BANP: variants seen among roughly 807,000 people sequenced by gnomAD.
BANP encodes the protein protein BANP.
A neutral mutation model predicts 68.1 loss-of-function variants in BANP; 11 were observed. The observed-to-expected ratio is 0.16, with a 90% confidence interval of 0.10 to 0.27. The LOEUF is 0.27. Among genes scored for constraint, BANP ranks in the 10% least tolerant of loss-of-function variants. The pLI is 1.00. For missense variants in BANP, 504 were observed against 722.7 expected (o/e 0.70, Z 3.47); for synonymous variants, 329 against 303.2 (o/e 1.09, Z -0.88).
At position 87,957,290 on chromosome 16, in the gene BANP, C is replaced by T. The variant is rs1056522313; in HGVS notation, c.-69+5775C>T. Among the ~76,000 whole-genome samples, 3 of 152,180 alleles carry T rather than the reference C, an allele frequency of 2.0e-5. No homozygotes were observed. Among genetic ancestry groups the T allele is most frequent in the African/African-American group, 4.8e-5 (2 of 41,446 alleles). ...ACAGCGTGGGAGCTGTGGAAGGACA[C>T]ATGGAGCAGAGGCGGCTGAGGAGGT... On this transcript the variant is annotated intron_variant, in intron 1 of 13. Coordinates refer to ENST00000682872, the MANE Select transcript of BANP (RefSeq NM_001386991.1). This position sits in a 1 kb window ranked among gnomAD's most constrained non-coding sequence, Gnocchi z 4.3.
chr16:88,019,756 A>C, intron 7 of BANP, among the ~76,000 whole-genome samples: 1 of 147,886 alleles, frequency 6.8e-6, no homozygotes, highest in African/African-American at 2.5e-5. Context: ...CTGTTCCAGC[A>C]GGAAAGAGCC....
chr16:88,049,359 C>T (rs933731751), intron 11 of BANP, among the ~76,000 whole-genome samples: 1 of 152,124 alleles, frequency 6.6e-6, no homozygotes, highest in South Asian at 2.1e-4. Flanking sequence ...CACATCCCGG[C>T]GAGGTACGGG....
At position 88,027,663 on chromosome 16, in the gene BANP, C is replaced by T. The variant is rs1206370673; in HGVS notation, c.1063+13C>T. 3 of 1,612,388 alleles carry T rather than the reference C, an allele frequency of 1.9e-6. No individual in the cohort carries two copies. In the African/African-American group the frequency reaches 4.0e-5, roughly 22 times the overall value. ...TACTGCCCTTCAGGTAGGCCTCGTG[C>T]TGCAGGAGAGGCCGCCCTCCCCCGC... is the stretch of plus-strand genomic sequence containing the variant. On this transcript the variant is annotated intron_variant, in intron 8 of 13. Coordinates refer to ENST00000682872, the MANE Select transcript of BANP (RefSeq NM_001386991.1).
chr16:88,014,241 G>C (rs1415045718), intron 6 of BANP, among the ~76,000 whole-genome samples: 2 of 152,326 alleles, frequency 1.3e-5, no homozygotes, highest in Middle Eastern at 6.8e-3. Flanking sequence ...CTCCGTGTGG[G>C]GTGGAGGGCA....
intron 8 of BANP, among the ~76,000 whole-genome samples, chr16:88,029,417 G>C (rs1598620290): frequency 6.6e-6 from 1 of 151,498 alleles, no homozygotes; most frequent in Non-Finnish European, 1.5e-5. Flanking sequence ...AGACCATCCT[G>C]GCTAACACGG....
rs999001537 is a variant in BANP, at chr16:88,071,335, C to T, written c.1378-734C>T. 2.7e-6 allele frequency: 1 copy of T among 376,888 alleles called. No homozygotes were observed. The highest frequency in any genetic ancestry group is 5.3e-6 in the Non-Finnish European group (1 of 188,776). 23.3% of individuals were successfully genotyped at this position (376,888 alleles called of 1,614,324 possible). A position where few individuals can be genotyped will look rare whatever the true frequency, so the allele number is the denominator to read the frequency against. ...CCGTCTTGACACCGGAGCTGCCTGC[C>T]TGGATGTTGGAGCGCCCAGTGGATT... On this transcript the variant is annotated intron_variant, in intron 12 of 13. Coordinates refer to ENST00000682872, the MANE Select transcript of BANP (RefSeq NM_001386991.1). The surrounding 1 kb of genome is among the most constrained non-coding windows in gnomAD (Gnocchi z 6.5).
At chr16:88,033,801 A>C (rs1447842179) in intron 9 of BANP, among the ~76,000 whole-genome samples, 1 of 152,200 alleles carries the variant, frequency 6.6e-6, no homozygotes, top group Non-Finnish European at 1.5e-5. Context: ...TTTGTGACCC[A>C]AGCTGTGGTC....
chr16:87,985,597 A>T (rs1462127544), intron 4 of BANP, among the ~76,000 whole-genome samples: 1 of 152,224 alleles, frequency 6.6e-6, no homozygotes, highest in Non-Finnish European at 1.5e-5. Flanking sequence ...GTAATTTATA[A>T]CTTATAGTTA....
At chr16:88,043,917 T>C (rs1433494292) in intron 11 of BANP, among the ~76,000 whole-genome samples, 3 of 152,216 alleles carry the variant, frequency 2.0e-5, no homozygotes, top group African/African-American at 7.2e-5. Flanking sequence ...GTTGTAAGGA[T>C]TGAAATTTGC....
chr16:88,074,853 GC>G lies in BANP; in HGVS notation c.1522-1733del, dbSNP rs1183743137. On this transcript the variant is annotated intron_variant, in intron 13 of 13. Transcript: ENST00000682872. ...CTGACCCCTCATCCTACCCTGGAAG[GC>G]CCCTCCTCCATCCAGGGAACAGTAT... Among the ~76,000 whole-genome samples the G allele has an allele frequency of 2.0e-5, 3 of 152,266 alleles. No individual in the cohort carries two copies. The East Asian group carries it at 5.8e-4, about 29-fold the overall frequency.
intron 2 of BANP, among the ~76,000 whole-genome samples, chr16:87,976,860 C>T (rs932281217): frequency 1.7e-4 from 26 of 152,126 alleles, no homozygotes; most frequent in African/African-American, 6.0e-4. Context: ...TTTTACAAAT[C>T]CCTGTTTCTA....
At position 88,003,578 on chromosome 16, in the gene BANP, T is replaced by C. The variant is rs1425501572; in HGVS notation, c.363-717T>C. On this transcript the variant is annotated intron_variant, in intron 4 of 13. Coordinates refer to ENST00000682872, the MANE Select transcript of BANP (RefSeq NM_001386991.1). This position sits in a 1 kb window ranked among gnomAD's most constrained non-coding sequence, Gnocchi z 6.1. Reference sequence around the variant, plus strand: ...GAAAACTGTGGGTGAGTCTGTACTTTGAGATGAAGCTGTGTTAGCTGCCGC... The same window carrying C: ...GAAAACTGTGGGTGAGTCTGTACTTCGAGATGAAGCTGTGTTAGCTGCCGC... 2 of 455,668 alleles carry C rather than the reference T, an allele frequency of 4.4e-6. No individual in the cohort carries two copies. The highest frequency in any genetic ancestry group is 8.8e-6 in the Non-Finnish European group (2 of 226,638). 28.2% of individuals were successfully genotyped at this position (455,668 alleles called of 1,614,324 possible).
Position 88,057,763 on chromosome 16 carries a change from G to A in BANP, c.1312-7504G>A, listed in dbSNP as rs879259972. 6.9e-6 allele frequency among the ~76,000 whole-genome samples: 1 copy of A among 144,466 alleles called. No homozygotes were observed. Among genetic ancestry groups the A allele is most frequent in the South Asian group, 2.3e-4 (1 of 4,296 alleles). The allele number at this position is 144,466 out of a possible 152,430, so 94.8% of individuals were successfully genotyped here. On this transcript the variant is annotated intron_variant, in intron 11 of 13. Transcript: ENST00000682872. This position sits in a 1 kb window ranked among gnomAD's most constrained non-coding sequence, Gnocchi z 4.6. ...GGCCATCTGGGTGGGGCGGGGGGGG[G>A]GGTGCGTGCAGTGACTCGCGCTGGC... is the stretch of plus-strand genomic sequence containing the variant.
rs1014883351 is a variant in BANP at position 88,057,634 on chromosome 16, C to T, written c.1312-7633C>T. 3.9e-5 allele frequency among the ~76,000 whole-genome samples: 6 copies of T among 152,104 alleles called. No homozygotes were observed. The highest frequency in any genetic ancestry group is 8.8e-5 in the Non-Finnish European group (6 of 68,038). On this transcript the variant is annotated intron_variant, in intron 11 of 13. Transcript: ENST00000682872. This position sits in a 1 kb window ranked among gnomAD's most constrained non-coding sequence, Gnocchi z 4.6. Reference sequence around the variant, plus strand: ...TAAAATTGGAAGAATGTTCTTCACACCCTTCATGTTGGCAATGTTTGGGTC... The same window carrying T: ...TAAAATTGGAAGAATGTTCTTCACATCCTTCATGTTGGCAATGTTTGGGTC...
intron 1 of BANP, among the ~76,000 whole-genome samples, chr16:87,953,228 A>G (rs182336107): frequency 6.6e-6 from 1 of 152,300 alleles, no homozygotes; most frequent in Admixed American, 6.5e-5. Flanking sequence ...ATTTTAATCA[A>G]TATAATGTAT....
chr16:87,990,587 C>G (rs543157262), intron 4 of BANP, among the ~76,000 whole-genome samples: 32 of 152,286 alleles, frequency 2.1e-4, no homozygotes, highest in African/African-American at 7.7e-4. Context: ...ATCTGACAAA[C>G]TCAAGGGAGA....
chr16:88,032,457 C>T (rs549387077), intron 8 of BANP, among the ~76,000 whole-genome samples: 50 of 152,340 alleles, frequency 3.3e-4, no homozygotes, highest in African/African-American at 1.2e-3. Context: ...CTGCCTTGGC[C>T]TCACAGAGTG....
At chr16:87,985,638 T>A (rs551402602) in intron 4 of BANP, among the ~76,000 whole-genome samples, 13 of 152,280 alleles carry the variant, frequency 8.5e-5, no homozygotes, top group Admixed American at 3.3e-4. Context: ...AGAATGAATG[T>A]GATAGTATTG....
At chr16:87,967,906 C>T (rs8056395) in intron 1 of BANP, among the ~76,000 whole-genome samples, 96,034 of 150,846 alleles carry the variant, frequency 0.64, 30,899 homozygotes, top group Admixed American at 0.68. Flanking sequence ...CAGGTGTGAG[C>T]CACCGTGCCT....
Sources: allele counts gnomAD v4.1 joint callset (sites outside exome capture counted in the v4.1 genomes callset), GRCh38; gene constraint gnomAD v4.1.1; non-coding constraint Gnocchi (gnomAD v3.1); transcripts MANE v1.5; gene names NCBI Gene and HGNC (gene_info 2026-07-23, HGNC 2026-07-21).